WDR93: variants seen among roughly 807,000 people sequenced by gnomAD.
WDR93 encodes the protein WD repeat-containing protein 93.
A neutral mutation model predicts 82.9 loss-of-function variants in WDR93; 73 were observed. The ratio of observed to expected loss-of-function variants is 0.88; its 90% CI spans 0.73 to 1.07. WDR93 has a LOEUF of 1.07. Among genes scored for constraint, WDR93 ranks in the 50% least tolerant of loss-of-function variants. The pLI is 0.00. For synonymous variants in WDR93, 283 were observed against 300.1 expected (o/e 0.94, Z 0.59); for missense variants, 738 against 826.0 (o/e 0.89, Z 1.31).
chr15:89,718,007 G>A (rs776401261), intron 7 of WDR93, among the ~76,000 whole-genome samples: 1 of 152,170 alleles, frequency 6.6e-6, no homozygotes, highest in African/African-American at 2.4e-5. Flanking sequence ...AACTTCTGAA[G>A]TGGAAGTATC....
intron 1 of WDR93, among the ~76,000 whole-genome samples, chr15:89,693,978 G>C (rs1965024149): frequency 6.6e-6 from 1 of 152,196 alleles, no homozygotes; most frequent in Admixed American, 6.5e-5. Flanking sequence ...TTGCCAAACT[G>C]TTTTCCAAAC....
Position 89,690,811 on chromosome 15 carries a change from A to G in WDR93, c.-87A>G. The stretch of plus-strand genomic sequence containing the variant: ...GAGCAACTTCGCGGACTTCCGGTTC[A>G]AGCCGGAAGTTGTGGTTACCAAGGC... On this transcript the variant is annotated 5_prime_UTR_variant, in exon 1 of 17. Coordinates refer to ENST00000268130, the MANE Select transcript of WDR93 (RefSeq NM_020212.2). 5.3e-6 allele frequency: 3 copies of G among 561,060 alleles called. No homozygotes were observed. The highest frequency in any genetic ancestry group is 4.3e-5 in the South Asian group (2 of 46,956). The allele number at this position is 561,060 out of a possible 1,614,324, so 34.8% of individuals were successfully genotyped here. A position where few individuals can be genotyped will look rare whatever the true frequency, so the allele number is the denominator to read the frequency against.
At chr15:89,706,010 A>C (rs1965710054) in intron 4 of WDR93, among the ~76,000 whole-genome samples, 1 of 151,926 alleles carries the variant, frequency 6.6e-6, no homozygotes, top group South Asian at 2.1e-4. Context: ...TCCCTACCAA[A>C]ATTTCCCCCA....
intron 5 of WDR93, among the ~76,000 whole-genome samples, chr15:89,712,396 C>T (rs1437481952): frequency 0.017 from 1,370 of 80,472 alleles, 51 homozygotes; most frequent in African/African-American, 0.065. Flanking sequence ...TTCCACTAAT[C>T]TTTTTTTTTT....
At chr15:89,713,480 G>GT (rs71151526) in intron 5 of WDR93, among the ~76,000 whole-genome samples, 25,065 of 149,674 alleles carry the variant, frequency 0.17, 2,357 homozygotes, top group Middle Eastern at 0.27. Context: ...ATTTTATTTT[G>GT]TTTTTTTTTT....
rs1386310570 is a variant in WDR93, at chr15:89,701,867, C to T, written c.121C>T (p.His41Tyr). 9 of 1,614,216 alleles carry T rather than the reference C, an allele frequency of 5.6e-6. No individual in the cohort carries two copies. Among genetic ancestry groups the T allele is most frequent in the Non-Finnish European group, 7.6e-6 (9 of 1,180,038 alleles). Residue 41 changes from histidine (H) to tyrosine (Y), a missense_variant, in exon 2 of 17, where the codon CAT becomes TAT. His to Tyr is a moderately conservative substitution (Grantham distance 83, BLOSUM62 2). Coordinates refer to ENST00000268130, the MANE Select transcript of WDR93 (RefSeq NM_020212.2). ...KDWPKDDEQD[H>Y]VLVDPDEELD... ...CTGGCCTAAAGACGATGAACAGGAT[C>T]ATGTCCTCGTGGATCCAGATGAGGA...
chr15:89,690,892 G>T (rs989742880), intron 1 of WDR93, 35 bp downstream of exon 1: 4 of 460,456 alleles, frequency 8.7e-6, no homozygotes, highest in Non-Finnish European at 1.6e-5. Flanking sequence ...GGATGCCGGG[G>T]CTCCCCTCGA....
At chr15:89,729,147 C>A in intron 10 of WDR93, 54 bp downstream of exon 10, 1 of 1,513,480 alleles carries the variant, frequency 6.6e-7, no homozygotes, top group Middle Eastern at 1.7e-4. Context: ...CTTGGGGAAA[C>A]CCCTCAGCAA....
rs1170109589 is a variant in WDR93 at position 89,712,396 on chromosome 15, C to CTTTTTTTTTTTTTTTTTTTTT, written c.640+295_640+315dup. ...GGATTTCACTAGTTTTTCCACTAAT[C>CTTTTTTTTTTTTTTTTTTTTT]TTTTTTTTTTTTTTTTTTTTTTTGC... On this transcript the variant is annotated intron_variant, in intron 5 of 16. Coordinates refer to ENST00000268130, the MANE Select transcript of WDR93 (RefSeq NM_020212.2). Among the ~76,000 whole-genome samples the CTTTTTTTTTTTTTTTTTTTTT allele has an allele frequency of 1.1e-4, 9 of 80,512 alleles. 1 individual carries two copies. The highest frequency in any genetic ancestry group is 5.2e-4 in the South Asian group (1 of 1,934). 52.8% of individuals were successfully genotyped at this position (80,512 alleles called of 152,430 possible).
At chr15:89,693,295 T>A (rs975459916) in intron 1 of WDR93, among the ~76,000 whole-genome samples, 1 of 152,228 alleles carries the variant, frequency 6.6e-6, no homozygotes, top group East Asian at 1.9e-4. Flanking sequence ...TTTTCCAAAG[T>A]GGCTATCCTA....
chr15:89,694,013 A>G (rs758830835), intron 1 of WDR93, among the ~76,000 whole-genome samples: 3 of 152,202 alleles, frequency 2.0e-5, no homozygotes, highest in East Asian at 3.8e-4. Flanking sequence ...TGGTTTCCCA[A>G]TAGTGTGTAT....
Position 89,722,139 on chromosome 15 carries a change from G to C in WDR93, c.880G>C (p.Gly294Arg). 1 of 1,590,564 alleles carries C rather than the reference G, an allele frequency of 6.3e-7. No homozygotes were observed. The highest frequency in any genetic ancestry group is 8.6e-7 in the Non-Finnish European group (1 of 1,167,280). ...MKIKPPKPVT[G>R]TTFKSPLEVF... is the part of the protein sequence containing the mutation. ...GATCAAACCACCTAAGCCTGTTACA[G>C]GTAAGTGTGATTCAAATCTCTCTCC... Residue 294 changes from glycine to arginine, a missense_variant and splice_region_variant, in exon 8 of 17, where the codon GGC becomes CGC. Physicochemically the swap from Gly to Arg is moderately radical, Grantham distance 125. Coordinates refer to ENST00000268130, the MANE Select transcript of WDR93 (RefSeq NM_020212.2).
chr15:89,722,603 G>A (rs1417612622), intron 8 of WDR93, among the ~76,000 whole-genome samples: 1 of 152,182 alleles, frequency 6.6e-6, no homozygotes, highest in Non-Finnish European at 1.5e-5. Context: ...AACCACCATA[G>A]TAGGATGTGA....
intron 5 of WDR93, among the ~76,000 whole-genome samples, chr15:89,714,617 C>A (rs992246006): frequency 1.3e-5 from 2 of 152,154 alleles, no homozygotes; most frequent in African/African-American, 4.8e-5. Flanking sequence ...CCGCCATGCC[C>A]GGCCCCATAT....
intron 16 of WDR93, 35 bp downstream of exon 16, chr15:89,738,271 C>A: frequency 1.3e-6 from 2 of 1,538,190 alleles, no homozygotes; most frequent in Non-Finnish European, 8.8e-7. Flanking sequence ...CCTCCCACAT[C>A]TGAGGTTGTC....
At chr15:89,738,985 A>G (rs916189546) in intron 16 of WDR93, among the ~76,000 whole-genome samples, 2 of 151,986 alleles carry the variant, frequency 1.3e-5, no homozygotes, top group Non-Finnish European at 2.9e-5. Flanking sequence ...GTGGTAGCAC[A>G]TGCCTTTTGT....
intron 8 of WDR93, 121 bp from the exon 9 acceptor site, chr15:89,727,036 A>G: frequency 8.7e-7 from 1 of 1,148,798 alleles, no homozygotes; most frequent in Non-Finnish European, 1.2e-6. Context: ...ATTGCAGAGC[A>G]AGAATCGATT....
chr15:89,716,289 C>A (rs1350226899), intron 6 of WDR93, among the ~76,000 whole-genome samples: 1 of 152,182 alleles, frequency 6.6e-6, no homozygotes, highest in Non-Finnish European at 1.5e-5. Context: ...TCCTGTTATA[C>A]ATGAAAATCC....
chr15:89,706,792 A>C (rs1965746756), intron 4 of WDR93, among the ~76,000 whole-genome samples: 1 of 152,200 alleles, frequency 6.6e-6, no homozygotes, highest in East Asian at 1.9e-4. Context: ...CACCATATAC[A>C]AAAAGTAACT....
Sources: allele counts gnomAD v4.1 joint callset (sites outside exome capture counted in the v4.1 genomes callset), GRCh38; gene constraint gnomAD v4.1.1; transcripts MANE v1.5; gene names NCBI Gene and HGNC (gene_info 2026-07-23, HGNC 2026-07-21).